RNF212B: variants seen among roughly 807,000 people sequenced by gnomAD.
RNF212B encodes the protein ring finger protein 212B, also known as E3 ubiquitin-protein ligase RNF212B.
In RNF212B, 52 loss-of-function variants were observed where a neutral mutation model predicts 55.5. The ratio of observed to expected loss-of-function variants is 0.94; its 90% CI spans 0.75 to 1.18. RNF212B has a LOEUF of 1.18. RNF212B is among the 50% of genes most tolerant of loss of function. The pLI is 0.00. For synonymous variants in RNF212B, 99 were observed against 121.4 expected (o/e 0.82, Z 1.21); for missense variants, 289 against 350.4 (o/e 0.82, Z 1.40).
chr14:23,256,951 G>A (rs1884880026), intron 4 of RNF212B, among the ~76,000 whole-genome samples: 1 of 151,692 alleles, frequency 6.6e-6, no homozygotes, highest in Non-Finnish European at 1.5e-5. Context: ...TCAGGAGTTC[G>A]AGACCAGTCT....
chr14:23,192,226 C>T (rs942150077), intron 1 of RNF212B, among the ~76,000 whole-genome samples: 13 of 152,238 alleles, frequency 8.5e-5, no homozygotes, highest in African/African-American at 3.1e-4. Context: ...GCTATAAAGA[C>T]ACATGCACAT....
Position 23,273,429 on chromosome 14 carries a change from C to A in RNF212B, c.*538C>A, listed in dbSNP as rs1566446779. 1 of 152,342 alleles carries A rather than the reference C, an allele frequency of 6.6e-6. No individual in the cohort carries two copies. Among genetic ancestry groups the A allele is most frequent in the Non-Finnish European group, 1.5e-5 (1 of 68,198 alleles). 9.4% of individuals were successfully genotyped at this position (152,342 alleles called of 1,614,324 possible). A position where few individuals can be genotyped will look rare whatever the true frequency, so the allele number is the denominator to read the frequency against. ...AACTGTTGGAGACACTGATTTTCAG[C>A]TTAGTATATAGATAGTAAAATAAAG... On this transcript the variant is annotated 3_prime_UTR_variant, in exon 15 of 15. Coordinates refer to ENST00000430154, the MANE Select transcript of RNF212B (RefSeq NM_001282322.3).
intron 2 of RNF212B, among the ~76,000 whole-genome samples, chr14:23,205,301 A>T (rs1009584716): frequency 3.7e-5 from 5 of 134,834 alleles, no homozygotes; most frequent in Admixed American, 7.1e-5. Flanking sequence ...TCTTTTTTTT[A>T]AAAAAAGGAC....
chr14:23,208,284 G>A (rs991889056), intron 2 of RNF212B, among the ~76,000 whole-genome samples: 10 of 152,164 alleles, frequency 6.6e-5, no homozygotes, highest in Non-Finnish European at 1.0e-4. Flanking sequence ...CACATTGGAC[G>A]AGAAGATCAC....
At chr14:23,233,834 T>A (rs1800220283), upstream of RNF212B, among the ~76,000 whole-genome samples, 1 of 151,736 alleles carries the variant, frequency 6.6e-6, no homozygotes, top group Admixed American at 6.6e-5. Flanking sequence ...TGGTGGCTCA[T>A]GCCTGTAATC....
At chr14:23,248,440 C>CTTTT (rs34288769) in intron 4 of RNF212B, among the ~76,000 whole-genome samples, 4 of 112,840 alleles carry the variant, frequency 3.5e-5, no homozygotes, top group Non-Finnish European at 5.5e-5. Flanking sequence ...CCCCAAGCCT[C>CTTTT]TTTTTTTTTT....
At chr14:23,188,526 G>C (rs939082116) in intron 1 of RNF212B, among the ~76,000 whole-genome samples, 4 of 150,986 alleles carry the variant, frequency 2.6e-5, no homozygotes. Context: ...GAGTGCAGTG[G>C]TGTGATCACA....
chr14:23,209,849 T>G (rs1880306215), intron 2 of RNF212B, among the ~76,000 whole-genome samples: 1 of 152,208 alleles, frequency 6.6e-6, no homozygotes, highest in African/African-American at 2.4e-5. Context: ...GCCTCTGTGA[T>G]TCTTTTAAAA....
Position 23,273,010 on chromosome 14 carries a change from T to C in RNF212B, c.*119T>C. The C allele has an allele frequency of 1.7e-6, 1 of 594,922 alleles. No homozygotes were observed. The highest frequency in any genetic ancestry group is 2.2e-5 in the South Asian group (1 of 46,278). 36.9% of individuals were successfully genotyped at this position (594,922 alleles called of 1,614,324 possible). The stretch of plus-strand genomic sequence containing the variant: ...TGCATTGTTTCCTAGTTTCACTCTG[T>C]ACCTTATGCTCCCCCCATCTTTACC... On this transcript the variant is annotated 3_prime_UTR_variant, in exon 15 of 15. Coordinates refer to ENST00000430154, the MANE Select transcript of RNF212B (RefSeq NM_001282322.3).
intron 1 of RNF212B, among the ~76,000 whole-genome samples, chr14:23,238,780 A>AATCATCATC (rs780687973): frequency 4.5e-4 from 65 of 145,682 alleles, no homozygotes; most frequent in South Asian, 1.3e-3. Flanking sequence ...TAATAATAAT[A>AATCATCATC]ATCCCACAAA....
intron 11 of RNF212B, among the ~76,000 whole-genome samples, chr14:23,266,003 G>A (rs1011173307): frequency 1.3e-5 from 2 of 151,938 alleles, no homozygotes; most frequent in African/African-American, 4.8e-5. Flanking sequence ...TTGAGATGGG[G>A]TCTCACTCTG....
intron 2 of RNF212B, among the ~76,000 whole-genome samples, chr14:23,232,011 C>A (rs978247746): frequency 5.9e-5 from 9 of 152,278 alleles, no homozygotes; most frequent in Non-Finnish European, 1.0e-4. Flanking sequence ...ACCTCCCAGC[C>A]GCCTGCCTTG....
intron 4 of RNF212B, among the ~76,000 whole-genome samples, chr14:23,255,510 G>A (rs551075597): frequency 3.7e-4 from 57 of 152,216 alleles, no homozygotes; most frequent in African/African-American, 1.2e-3. Flanking sequence ...TTTAACACTT[G>A]CATTATCCAG....
intron 2 of RNF212B, among the ~76,000 whole-genome samples, chr14:23,219,274 A>G (rs889251405): frequency 6.6e-6 from 1 of 152,244 alleles, no homozygotes; most frequent in African/African-American, 2.4e-5. Flanking sequence ...GTAAGTACCC[A>G]GAAAACCACA....
rs1190316391 is a variant in RNF212B at position 23,238,755 on chromosome 14, T to TAAC, written c.-2+702_-2+703insCAA. Among the ~76,000 whole-genome samples, 744 of 134,206 alleles carry TAAC rather than the reference T, an allele frequency of 5.5e-3. 11 individuals carry two copies. The highest frequency in any genetic ancestry group is 0.019 in the African/African-American group (685 of 35,782). 88.0% of individuals were successfully genotyped at this position (134,206 alleles called of 152,430 possible). The stretch of plus-strand genomic sequence containing the variant: ...TGTCTCAAAATAATAATAATAATAA[T>TAAC]AATAATAATAATAATAATAATAATA... On this transcript the variant is annotated intron_variant, in intron 1 of 14. Transcript: ENST00000430154.
chr14:23,258,518 A>G, intron 4 of RNF212B, 31 bp from the exon 5 acceptor site: 2 of 1,044,876 alleles, frequency 1.9e-6, no homozygotes, highest in South Asian at 1.5e-5. Flanking sequence ...GTTATGGGAG[A>G]GTATGTCAAA....
rs182793070 is a variant in RNF212B at position 23,227,869 on chromosome 14, G to A, written c.-1-12476G>A. Reference sequence around the variant, plus strand: ...CCACCTCAGCCCCCCGAAGTGCTGGGATTACAGGCTTGAGTCACCACACCT... The same window carrying A: ...CCACCTCAGCCCCCCGAAGTGCTGGAATTACAGGCTTGAGTCACCACACCT... On this transcript the variant is annotated intron_variant, in intron 2 of 15. Coordinates refer to the RNF212B transcript ENST00000399910. Among the ~76,000 whole-genome samples, 206 of 152,038 alleles carry A rather than the reference G, an allele frequency of 1.4e-3. 1 individual carries two copies. Among genetic ancestry groups the A allele is most frequent in the African/African-American group, 4.6e-3 (192 of 41,538 alleles).
intron 8 of RNF212B, 45 bp from the exon 9 acceptor site, chr14:23,262,883 T>TGC (rs749302930): frequency 1.3e-4 from 207 of 1,538,268 alleles, no homozygotes; most frequent in Non-Finnish European, 1.6e-4. Flanking sequence ...AAGGCAGGCA[T>TGC]ACCATTGATG....
At chr14:23,270,174 C>T (rs892174513) in intron 13 of RNF212B, among the ~76,000 whole-genome samples, 8 of 152,108 alleles carry the variant, frequency 5.3e-5, no homozygotes, top group Admixed American at 3.3e-4. Flanking sequence ...TGTCACCAGT[C>T]GAGTCCTACT....
Sources: allele counts gnomAD v4.1 joint callset (sites outside exome capture counted in the v4.1 genomes callset), GRCh38; gene constraint gnomAD v4.1.1; transcripts MANE v1.5; gene names NCBI Gene and HGNC (gene_info 2026-07-23, HGNC 2026-07-21).